The following RNF144A variants were observed in gnomAD, a reference collection of about 807,000 sequenced individuals.
RNF144A encodes ring finger protein 144A.
RNF144A carries 11 observed loss-of-function variants against 38.7 expected under a neutral mutation model. The observed-to-expected ratio is 0.28, with a 90% CI of 0.18 to 0.47. The LOEUF (loss-of-function observed/expected upper bound fraction) is 0.47, where lower values mean the gene tolerates loss of function less well. Among genes scored for constraint, RNF144A ranks in the 20% least tolerant of loss-of-function variants. RNF144A has a pLI of 0.99. For missense variants in RNF144A, 316 were observed against 377.2 expected, an observed-to-expected ratio of 0.84 and a Z score of 1.34; for synonymous variants, 149 against 143.9, an observed-to-expected ratio of 1.04 and a Z score of -0.25.
chr2:6,980,653 G>T (rs140534687), intron 2 of RNF144A, among the ~76,000 whole-genome samples: 1 of 152,224 alleles, frequency 6.6e-6, no homozygotes, highest in Non-Finnish European at 1.5e-5. Context: ...GGCATTGAGC[G>T]CCTGCAGCTT....
chr2:7,043,492 C>A lies in RNF144A; in HGVS notation c.*3732C>A. On this transcript the variant is annotated 3_prime_UTR_variant, in exon 9 of 9. Coordinates refer to ENST00000320892, the MANE Select transcript of RNF144A (RefSeq NM_014746.6). ...TATATATAAATCACAAGGAGATCAT[C>A]AAGGGAAAACATTTTGCATGTGTAA... 1 of 985,624 alleles carries A rather than the reference C, an allele frequency of 1.0e-6. No individual in the cohort carries two copies. The highest frequency in any genetic ancestry group is 1.2e-6 in the Non-Finnish European group (1 of 829,844). 61.1% of individuals were successfully genotyped at this position (985,624 alleles called of 1,614,324 possible). A position where few individuals can be genotyped will look rare whatever the true frequency, so the allele number is the denominator to read the frequency against.
chr2:6,934,360 T>C (rs1420198230), intron 1 of RNF144A, among the ~76,000 whole-genome samples: 3 of 152,234 alleles, frequency 2.0e-5, no homozygotes, highest in Admixed American at 6.5e-5. Flanking sequence ...GTGTTTTCTA[T>C]TGATATTTTT....
rs1438523522 is a variant in RNF144A, at chr2:6,958,993, G to A, written c.-12+17846G>A. Among the ~76,000 whole-genome samples, 3 of 152,158 alleles carry A rather than the reference G, an allele frequency of 2.0e-5. No individual in the cohort carries two copies. Among genetic ancestry groups the A allele is most frequent in the Middle Eastern group, 3.2e-3 (1 of 314 alleles). On this transcript the variant is annotated intron_variant, in intron 2 of 8. Transcript: ENST00000320892. This position sits in a 1 kb window ranked among gnomAD's most constrained non-coding sequence, Gnocchi z 4.5. ...CGTGGGCGTCCAGTTACTGCTCTCC[G>A]GGGCTTGCTCCCCTGATCACTCTCT...
intron 3 of RNF144A, among the ~76,000 whole-genome samples, chr2:7,007,834 A>G (rs534744138): frequency 3.3e-5 from 5 of 152,332 alleles, no homozygotes; most frequent in African/African-American, 1.2e-4. Flanking sequence ...CAGATAGAAC[A>G]AACGGGCCGC....
chr2:7,075,769 C>A, the RNF144A span, among the ~76,000 whole-genome samples: 1 of 152,128 alleles, frequency 6.6e-6, no homozygotes. Context: ...AGACATTCAG[C>A]CTTGAAAGAC....
chr2:7,021,612 C>T (rs202215329), intron 6 of RNF144A, among the ~76,000 whole-genome samples: 32 of 152,322 alleles, frequency 2.1e-4, no homozygotes, highest in East Asian at 1.2e-3. Flanking sequence ...TTCATGGTTC[C>T]GAGGACAGGG....
intron 2 of RNF144A, among the ~76,000 whole-genome samples, chr2:6,960,652 A>C (rs1463130687): frequency 1.3e-5 from 2 of 152,180 alleles, no homozygotes; most frequent in Non-Finnish European, 2.9e-5. Context: ...TCAGGCATGT[A>C]TTTCATCTCA....
chr2:7,072,767 A>G (rs149856933), downstream of RNF144A, among the ~76,000 whole-genome samples: 47 of 152,352 alleles, frequency 3.1e-4, no homozygotes, highest in African/African-American at 1.1e-3. Flanking sequence ...GAATGAATGC[A>G]TGAACCAACT....
chr2:7,000,994 T>C (rs1005548304), intron 3 of RNF144A, among the ~76,000 whole-genome samples: 2 of 152,052 alleles, frequency 1.3e-5, no homozygotes, highest in Admixed American at 1.3e-4. Flanking sequence ...CCGTAGAAAG[T>C]TGTAACTTAA....
intron 3 of RNF144A, among the ~76,000 whole-genome samples, chr2:6,999,122 G>A (rs1669941993): frequency 6.6e-6 from 1 of 152,224 alleles, no homozygotes. Flanking sequence ...GGATGTGAAG[G>A]AAGAAGCTAG....
rs1285610382 is a variant in RNF144A, at chr2:6,944,419, T to TTACCCCTTTGGTGATAC, written c.-12+3274_-12+3290dup. Among the ~76,000 whole-genome samples the TTACCCCTTTGGTGATAC allele has an allele frequency of 1.3e-5, 2 of 152,064 alleles. No individual in the cohort carries two copies. Among genetic ancestry groups the TTACCCCTTTGGTGATAC allele is most frequent in the Non-Finnish European group, 2.9e-5 (2 of 67,998 alleles). On this transcript the variant is annotated intron_variant, in intron 2 of 8. Transcript: ENST00000320892. The surrounding 1 kb of genome is among the most constrained non-coding windows in gnomAD (Gnocchi z 4.7). ...CCCCTCCACTTACCCGATTGCCTAC[T>TTACCCCTTTGGTGATAC]TACCCCTTTGGTGATACTGGGAAGG...
Position 7,043,262 on chromosome 2 carries a change from T to C in RNF144A, c.*3502T>C. On this transcript the variant is annotated 3_prime_UTR_variant, in exon 9 of 9. Coordinates refer to ENST00000320892, the MANE Select transcript of RNF144A (RefSeq NM_014746.6). ...CAGTTCCTGATTAGAACACAGGACC[T>C]GTGGGAGGGACTATCAGAGATGCAA... 1.0e-6 allele frequency: 1 copy of C among 985,008 alleles called. No homozygotes were observed. Among genetic ancestry groups the C allele is most frequent in the Non-Finnish European group, 1.2e-6 (1 of 829,524 alleles). 61.0% of individuals were successfully genotyped at this position (985,008 alleles called of 1,614,324 possible).
chr2:6,971,515 G>T (rs1328775304), intron 2 of RNF144A, among the ~76,000 whole-genome samples: 1 of 152,248 alleles, frequency 6.6e-6, no homozygotes, highest in African/African-American at 2.4e-5. Flanking sequence ...TAGAGAGCAT[G>T]CTGCAGTTTC....
At chr2:6,934,344 A>G (rs187038523) in intron 1 of RNF144A, among the ~76,000 whole-genome samples, 26 of 152,094 alleles carry the variant, frequency 1.7e-4, no homozygotes, top group East Asian at 7.7e-4. Context: ...CTGCTTTTCT[A>G]TTGCAGTGTT....
At chr2:7,064,232 A>C (rs1295410752) in intron 6 of RNF144A, among the ~76,000 whole-genome samples, 2 of 152,192 alleles carry the variant, frequency 1.3e-5, no homozygotes, top group Admixed American at 1.3e-4. Flanking sequence ...TTTGGAAGAC[A>C]CATTAAAATC....
downstream of RNF144A, among the ~76,000 whole-genome samples, chr2:7,047,254 G>T (rs936967733): frequency 5.4e-5 from 8 of 147,670 alleles, no homozygotes; most frequent in African/African-American, 2.0e-4. Flanking sequence ...ATGTGTGAGT[G>T]TGCATGTGTG....
At chr2:7,010,627 G>A (rs388773) in intron 3 of RNF144A, among the ~76,000 whole-genome samples, 80,886 of 151,988 alleles carry the variant, frequency 0.53, 22,332 homozygotes, top group Middle Eastern at 0.62. Flanking sequence ...GTGCTGTCTC[G>A]TCATCAGGTT....
At chr2:6,926,188 A>G (rs2103272882) in intron 1 of RNF144A, among the ~76,000 whole-genome samples, 2 of 152,332 alleles carry the variant, frequency 1.3e-5, no homozygotes, top group Middle Eastern at 3.4e-3. Flanking sequence ...GCTGCGCCAC[A>G]TCTGTGTTGA....
intron 2 of RNF144A, among the ~76,000 whole-genome samples, chr2:6,980,758 A>C (rs1324576266): frequency 6.6e-6 from 1 of 152,210 alleles, no homozygotes; most frequent in Non-Finnish European, 1.5e-5. Context: ...GCAGTGCCCC[A>C]GTGGGGACTC....
Sources: gnomAD v4.1 joint callset for allele counts (sites outside exome capture counted in the v4.1 genomes callset) on GRCh38, gnomAD v4.1.1 for gene constraint, Gnocchi (gnomAD v3.1) non-coding constraint, MANE v1.5 for transcripts, NCBI Gene and HGNC (gene_info 2026-07-23, HGNC 2026-07-21) for gene names.